KDF1: variants seen among roughly 807,000 people sequenced by gnomAD.
The protein encoded by KDF1 is keratinocyte differentiation factor 1, also known as RP11-344H11.3.
A neutral mutation model predicts 31.6 loss-of-function variants in KDF1; 11 were observed. The ratio of observed to expected loss-of-function variants is 0.35; its 90% CI spans 0.22 to 0.58. KDF1 has a LOEUF of 0.58. KDF1 is among the 20% of genes least tolerant of loss of function. KDF1 has a pLI of 0.83. For missense variants in KDF1, 476 were observed against 549.1 expected (o/e 0.87, Z 1.33); for synonymous variants, 205 against 214.4 (o/e 0.96, Z 0.38).
chr1:26,953,205 T>C (rs1273362731), intron 1 of KDF1, among the ~76,000 whole-genome samples: 2 of 152,184 alleles, frequency 1.3e-5, no homozygotes, highest in Non-Finnish European at 2.9e-5. Context: ...ATTTTTGGAT[T>C]AGGGATACTC....
At chr1:26,956,517 C>T (rs1042410101) in intron 1 of KDF1, among the ~76,000 whole-genome samples, 1 of 152,100 alleles carries the variant, frequency 6.6e-6, no homozygotes, top group African/African-American at 2.4e-5. Context: ...ATACAACTCA[C>T]GAAGTATTCC....
Position 26,952,909 on chromosome 1 carries a change from G to T in KDF1, c.-32-497C>A, listed in dbSNP as rs949400521. Among the ~76,000 whole-genome samples, 2 of 151,862 alleles carry T rather than the reference G, an allele frequency of 1.3e-5. No individual in the cohort carries two copies. Among genetic ancestry groups the T allele is most frequent in the Non-Finnish European group, 2.9e-5 (2 of 67,958 alleles). On this transcript the variant is annotated intron_variant, in intron 1 of 3. Coordinates refer to ENST00000320567, the MANE Select transcript of KDF1 (RefSeq NM_152365.3). The surrounding 1 kb of genome is among the most constrained non-coding windows in gnomAD (Gnocchi z 4.1). ...TGAGGCAGGAGAATCGCTTGAACCCGGGTGGCAGAGGTTGCAGTGAGCCAA... is the reference window on the plus strand; with the variant it reads ...TGAGGCAGGAGAATCGCTTGAACCCTGGTGGCAGAGGTTGCAGTGAGCCAA...
intron 1 of KDF1, among the ~76,000 whole-genome samples, chr1:26,955,581 T>C (rs1432440688): frequency 6.6e-6 from 1 of 152,220 alleles, no homozygotes; most frequent in Non-Finnish European, 1.5e-5. Flanking sequence ...CTGGGTACCG[T>C]AGAACCAAAG....
chr1:26,957,430 G>A (rs890169371), intron 1 of KDF1, among the ~76,000 whole-genome samples: 5 of 152,186 alleles, frequency 3.3e-5, no homozygotes, highest in Admixed American at 3.3e-4. Context: ...CAAGGACCAT[G>A]ACCCTGAAGT....
rs2082356474 is a variant in KDF1, at chr1:26,952,355, G to A, written c.26C>T (p.Pro9Leu). 1 of 1,513,812 alleles carries A rather than the reference G, an allele frequency of 6.6e-7. No homozygotes were observed. The highest frequency in any genetic ancestry group is 1.4e-5 in the African/African-American group (1 of 71,796). 93.8% of individuals were successfully genotyped at this position (1,513,812 alleles called of 1,614,324 possible). A position where few individuals can be genotyped will look rare whatever the true frequency, so the allele number is the denominator to read the frequency against. The change falls in exon 2 of 4, where the codon CCA becomes CTA. Residue 9 changes from proline (P) to leucine (L), a missense_variant. Pro to Leu is a moderately conservative substitution (Grantham distance 98). Transcript: ENST00000320567. This position sits in a 1 kb window ranked among gnomAD's most constrained non-coding sequence, Gnocchi z 4.1. ...TCCCAAGCGTGGAGGCCCAGATGCT[G>A]GGCGGGGGTGTCCAGGGCGGGGCAT... is the stretch of plus-strand genomic sequence containing the variant. MPRPGHPR[P>L]ASGPPRLGPW... is the part of the protein sequence containing the mutation.
Position 26,951,988 on chromosome 1 carries a change from G to A in KDF1, c.393C>T (p.His131=), listed in dbSNP as rs534821230. Residue 131 remains histidine, a synonymous_variant, in exon 2 of 4, where the codon CAC becomes CAT. Coordinates refer to ENST00000320567, the MANE Select transcript of KDF1 (RefSeq NM_152365.3). The surrounding 1 kb of genome is among the most constrained non-coding windows in gnomAD (Gnocchi z 5.4). ...GTAEANWAKE[H]NGVPPSPDRA... ...GATCAGGGCTGGGGGGCACTCCATT[G>A]TGCTCCTTGGCCCAGTTGGCTTCAG... 1.2e-6 allele frequency: 2 copies of A among 1,611,754 alleles called. No individual in the cohort carries two copies. The highest frequency in any genetic ancestry group is 1.3e-5 in the African/African-American group (1 of 75,014).
In KDF1 at chr1:26,951,533, G is replaced by A. The variant is rs372248277; in HGVS notation, c.848C>T (p.Thr283Met). The A allele has an allele frequency of 4.3e-6, 7 of 1,612,824 alleles. No individual in the cohort carries two copies. The highest frequency in any genetic ancestry group is 5.9e-6 in the Non-Finnish European group (7 of 1,179,070). Residue 283 changes from threonine (T) to methionine (M), a missense_variant, in exon 2 of 4, where the codon ACG becomes ATG. Transcript: ENST00000320567. The surrounding 1 kb of genome is among the most constrained non-coding windows in gnomAD (Gnocchi z 5.4). ...SKISDLISSI[T>M]QDYHLDEQDA... Reference sequence around the variant, plus strand: ...CTGCTCATCCAGGTGGTAGTCCTGCGTGATGCTGCTGATAAGGTCCGAGAT... The same window carrying A: ...CTGCTCATCCAGGTGGTAGTCCTGCATGATGCTGCTGATAAGGTCCGAGAT...
At chr1:26,956,544 C>T (rs897317338) in intron 1 of KDF1, among the ~76,000 whole-genome samples, 10 of 152,016 alleles carry the variant, frequency 6.6e-5, no homozygotes, top group Non-Finnish European at 1.2e-4. Context: ...AAATGCATAA[C>T]CTGAATGTAA....
At chr1:26,958,921 C>G (rs906714357) in intron 1 of KDF1, among the ~76,000 whole-genome samples, 16 of 152,204 alleles carry the variant, frequency 1.1e-4, no homozygotes, top group Admixed American at 9.2e-4. Flanking sequence ...CTTTAGGACT[C>G]TCTATTATTG....
At chr1:26,954,436 C>G (rs1249715298) in intron 1 of KDF1, among the ~76,000 whole-genome samples, 1 of 151,800 alleles carries the variant, frequency 6.6e-6, no homozygotes, top group Non-Finnish European at 1.5e-5. Flanking sequence ...GTTGGCTAGG[C>G]TGGTCTCAAA....
Position 26,952,145 on chromosome 1 carries a change from C to T in KDF1, c.236G>A (p.Arg79Gln), listed in dbSNP as rs748161190. 8 of 1,613,490 alleles carry T rather than the reference C, an allele frequency of 5.0e-6. No individual in the cohort carries two copies. In the African/African-American group the frequency reaches 5.3e-5, roughly 11 times the overall value. The change falls in exon 2 of 4, where the codon CGA (arginine) becomes CAA (glutamine). Residue 79 changes from arginine (R) to glutamine (Q), a missense_variant. Transcript: ENST00000320567. The surrounding 1 kb of genome is among the most constrained non-coding windows in gnomAD (Gnocchi z 4.1). ...CCGGCACCACTCCCACACCCAGGGT[C>T]GCCAGAGCAGGCAGCAGGTGGGGGA... ...LESPTCCLLWRPWVWEWCRAA... is the reference protein window; with the variant it reads ...LESPTCCLLWQPWVWEWCRAA...
At position 26,950,084 on chromosome 1, in the gene KDF1, G is replaced by A; in HGVS notation, c.1182C>T (p.Leu394=). The change falls in exon 4 of 4, where the codon CTC becomes CTT. Residue 394 remains leucine, a synonymous_variant. Coordinates refer to ENST00000320567, the MANE Select transcript of KDF1 (RefSeq NM_152365.3). This position sits in a 1 kb window ranked among gnomAD's most constrained non-coding sequence, Gnocchi z 4.0. Reference sequence around the variant, plus strand: ...CTGGCAGGGGTTAGCAGTACACCTGGAGCAAGGGTGCCCCCGACGAGTCTG... The same window carrying A: ...CTGGCAGGGGTTAGCAGTACACCTGAAGCAAGGGTGCCCCCGACGAGTCTG... ...TDTDSSGAPL[L]QVYC 6.2e-7 allele frequency: 1 copy of A among 1,613,892 alleles called. No homozygotes were observed. The highest frequency in any genetic ancestry group is 8.5e-7 in the Non-Finnish European group (1 of 1,179,838).
chr1:26,958,036 C>T (rs568704100), intron 1 of KDF1, among the ~76,000 whole-genome samples: 3 of 151,256 alleles, frequency 2.0e-5, no homozygotes, highest in African/African-American at 7.3e-5. Flanking sequence ...AGGCTGGTCT[C>T]GAACTCCTGA....
chr1:26,957,469 C>G (rs1241048147), intron 1 of KDF1, among the ~76,000 whole-genome samples: 1 of 152,102 alleles, frequency 6.6e-6, no homozygotes, highest in South Asian at 2.1e-4. Flanking sequence ...TCTTTTCTGC[C>G]TCAGGGTCTG....
chr1:26,958,839 C>T (rs1157690362), intron 1 of KDF1, among the ~76,000 whole-genome samples: 1 of 152,172 alleles, frequency 6.6e-6, no homozygotes, highest in Non-Finnish European at 1.5e-5. Flanking sequence ...CTACAGTTAA[C>T]CATGCTGAGC....
chr1:26,960,106 G>A lies in KDF1; in HGVS notation c.-33+244C>T, dbSNP rs1280899218. 3.3e-5 allele frequency among the ~76,000 whole-genome samples: 5 copies of A among 152,270 alleles called. No individual in the cohort carries two copies. The highest frequency in any genetic ancestry group is 2.0e-4 in the Admixed American group (3 of 15,302). On this transcript the variant is annotated intron_variant, in intron 1 of 3. Coordinates refer to ENST00000320567, the MANE Select transcript of KDF1 (RefSeq NM_152365.3). This position sits in a 1 kb window ranked among gnomAD's most constrained non-coding sequence, Gnocchi z 4.9. ...CCATCCCGACGCTGCCCCCCGGTGA[G>A]TGCGGCCCCCGCACCCAGCCAGTGC...
chr1:26,954,145 T>G (rs1221454582), intron 1 of KDF1, among the ~76,000 whole-genome samples: 1 of 151,328 alleles, frequency 6.6e-6, no homozygotes, highest in Non-Finnish European at 1.5e-5. Flanking sequence ...AGATGGATGG[T>G]GGCAATAGTT....
Position 26,952,277 on chromosome 1 carries a change from T to C in KDF1, c.104A>G (p.Gln35Arg), listed in dbSNP as rs1288405447. Residue 35 changes from glutamine (Q) to arginine (R), a missense_variant, in exon 2 of 4, where the codon CAG becomes CGG. Coordinates refer to ENST00000320567, the MANE Select transcript of KDF1 (RefSeq NM_152365.3). This position sits in a 1 kb window ranked among gnomAD's most constrained non-coding sequence, Gnocchi z 4.1. ...ACGGGTGCGGCGGCTTGGTGGGGGC[T>C]GAGGTGGTTTATCATATGTCTCCAG... ...LCLETYDKPP[Q>R]PPPSRRTRRP... 1.9e-5 allele frequency: 29 copies of C among 1,567,430 alleles called. No homozygotes were observed. Among genetic ancestry groups the C allele is most frequent in the Non-Finnish European group, 2.5e-5 (29 of 1,155,966 alleles).
At chr1:26,959,016 T>C (rs2082389384) in intron 1 of KDF1, among the ~76,000 whole-genome samples, 1 of 152,244 alleles carries the variant, frequency 6.6e-6, no homozygotes, top group African/African-American at 2.4e-5. Flanking sequence ...TTCACCTTAT[T>C]TGACTCTCAC....
Sources: gnomAD v4.1 joint callset for allele counts (sites outside exome capture counted in the v4.1 genomes callset) on GRCh38, gnomAD v4.1.1 for gene constraint, Gnocchi (gnomAD v3.1) non-coding constraint, MANE v1.5 for transcripts, NCBI Gene and HGNC (gene_info 2026-07-23, HGNC 2026-07-21) for gene names.